Variants in PPFIA2 observed in about 807,000 individuals in gnomAD.
The protein encoded by PPFIA2 is PPFI scaffold protein A2.
PPFIA2 carries 46 observed loss-of-function variants against 175.5 expected under a neutral mutation model. That is an observed-to-expected ratio of 0.26 (90% confidence interval 0.21 to 0.34). The LOEUF (loss-of-function observed/expected upper bound fraction) is 0.34. PPFIA2 is among the 10% of genes least tolerant of loss of function. The pLI is 1.00. For synonymous variants in PPFIA2, 568 were observed against 511.4 expected, an observed-to-expected ratio of 1.11 and a Z score of -1.49; for missense variants, 1,179 against 1,506.1, an observed-to-expected ratio of 0.78 and a Z score of 3.60.
At chr12:81,648,240 C>T (rs2066467554) in intron 4 of PPFIA2, among the ~76,000 whole-genome samples, 1 of 151,514 alleles carries the variant, frequency 6.6e-6, no homozygotes, top group Admixed American at 6.6e-5. Context: ...TACAAAAAAA[C>T]TTTTAGAAAA....
chr12:81,260,519 A>T (rs2035074741), intron 32 of PPFIA2: 1 of 152,206 alleles, frequency 6.6e-6, no homozygotes, highest in Non-Finnish European at 1.5e-5. Context: ...TTATTTAGCC[A>T]AATTATTATA....
chr12:81,297,593 T>A (rs1468074874), intron 23 of PPFIA2, among the ~76,000 whole-genome samples: 10 of 152,234 alleles, frequency 6.6e-5, no homozygotes, highest in Admixed American at 6.5e-4. Flanking sequence ...AGTACTTGAC[T>A]ATTTAGTTTA....
intron 3 of PPFIA2, among the ~76,000 whole-genome samples, chr12:81,677,113 G>C (rs1160615032): frequency 6.6e-6 from 1 of 151,904 alleles, no homozygotes; most frequent in African/African-American, 2.4e-5. Flanking sequence ...AAGAGCTGAA[G>C]TGAGAGCAGA....
chr12:81,486,088 C>T (rs2058780851), intron 4 of PPFIA2, among the ~76,000 whole-genome samples: 1 of 151,780 alleles, frequency 6.6e-6, no homozygotes, highest in African/African-American at 2.4e-5. Context: ...TGAAATGTAA[C>T]ACATAGGATT....
At chr12:81,729,918 A>G (rs546838716) in intron 3 of PPFIA2, among the ~76,000 whole-genome samples, 82 of 151,718 alleles carry the variant, frequency 5.4e-4, no homozygotes, top group African/African-American at 1.9e-3. Flanking sequence ...GATTGAATTC[A>G]GCCAACAAGT....
intron 3 of PPFIA2, among the ~76,000 whole-genome samples, chr12:81,738,048 A>G (rs2081852620): frequency 6.6e-6 from 1 of 151,824 alleles, no homozygotes; most frequent in African/African-American, 2.4e-5. Flanking sequence ...ATAAAAACAA[A>G]TACGTTTTAA....
chr12:81,369,094 G>A lies in PPFIA2; in HGVS notation c.1350+17C>T. The A allele has an allele frequency of 6.4e-7, 1 of 1,565,250 alleles. No homozygotes were observed. Among genetic ancestry groups the A allele is most frequent in the Non-Finnish European group, 8.8e-7 (1 of 1,140,540 alleles). ...ATAAACCAATGATTGGGGGGTAATA[G>A]TTCTTAATATACATACTCTTTGAAG... is the stretch of plus-strand genomic sequence containing the variant. On this transcript the variant is annotated intron_variant, in intron 12 of 32. Transcript: ENST00000549396.
intron 22 of PPFIA2, among the ~76,000 whole-genome samples, chr12:81,299,722 A>AT (rs2047349209): frequency 6.6e-6 from 1 of 152,176 alleles, no homozygotes; most frequent in African/African-American, 2.4e-5. Flanking sequence ...TCAAGTATGC[A>AT]TTATGGGATC....
intron 3 of PPFIA2, among the ~76,000 whole-genome samples, chr12:81,686,272 A>G (rs1238764702): frequency 9.2e-5 from 14 of 152,086 alleles, no homozygotes; most frequent in Admixed American, 9.2e-4. Flanking sequence ...AGAGCTGAGA[A>G]CATCAGATTT....
chr12:81,708,257 A>C lies in PPFIA2; in HGVS notation c.250-31413T>G, dbSNP rs1375353576. On this transcript the variant is annotated intron_variant, in intron 3 of 32. Transcript: ENST00000549396. ...AATAATATACATTGTGTTTATTTTTATGTTTTTAATTGGAAGAAAAATTTT... is the reference window on the plus strand; with the variant it reads ...AATAATATACATTGTGTTTATTTTTCTGTTTTTAATTGGAAGAAAAATTTT... Among the ~76,000 whole-genome samples the C allele has an allele frequency of 2.6e-5, 4 of 152,218 alleles. 1 individual carries two copies. In the South Asian group the frequency reaches 8.3e-4, roughly 32 times the overall value.
chr12:81,410,489 A>T (rs537495103), intron 7 of PPFIA2, among the ~76,000 whole-genome samples: 146 of 152,208 alleles, frequency 9.6e-4, no homozygotes, highest in African/African-American at 3.5e-3. Flanking sequence ...AAAGTTTTGC[A>T]TATATTTTCA....
At position 81,283,303 on chromosome 12, in the gene PPFIA2, A is replaced by AC. The variant is rs80134357; in HGVS notation, c.2989-265dup. ...TGAACATTTGATTTGGTCATTACAA[A>AC]CCTTTTTTTAATTCTTAAATGAGTG... On this transcript the variant is annotated intron_variant, in intron 25 of 32. Coordinates refer to ENST00000549396, the MANE Select transcript of PPFIA2 (RefSeq NM_003625.5). Among the ~76,000 whole-genome samples, 355 of 152,142 alleles carry AC rather than the reference A, an allele frequency of 2.3e-3. 8 individuals are homozygous for AC. The East Asian group carries it at 0.045, about 19-fold the overall frequency.
Position 81,422,600 on chromosome 12 carries a change from C to T in PPFIA2, c.646-16697G>A, listed in dbSNP as rs901480114. On this transcript the variant is annotated intron_variant, in intron 7 of 32. Coordinates refer to ENST00000549396, the MANE Select transcript of PPFIA2 (RefSeq NM_003625.5). ...ATAAACAAGTCACTTCTTACATGGACGGCAGCAGGCAAAGAGAGAGCTCAT... is the reference window on the plus strand; with the variant it reads ...ATAAACAAGTCACTTCTTACATGGATGGCAGCAGGCAAAGAGAGAGCTCAT... Among the ~76,000 whole-genome samples, 11 of 152,128 alleles carry T rather than the reference C, an allele frequency of 7.2e-5. No individual in the cohort carries two copies. In the South Asian group the frequency reaches 8.3e-4, roughly 11 times the overall value.
intron 4 of PPFIA2, among the ~76,000 whole-genome samples, chr12:81,600,883 T>C (rs934300771): frequency 6.6e-5 from 10 of 152,028 alleles, no homozygotes; most frequent in Admixed American, 2.6e-4. Flanking sequence ...CATGTACTTT[T>C]ATGTTTGCCT....
chr12:81,269,130 A>G (rs1182172759), intron 28 of PPFIA2, among the ~76,000 whole-genome samples: 3 of 152,194 alleles, frequency 2.0e-5, no homozygotes. Flanking sequence ...AAAAACATCA[A>G]ATTATGTTTT....
At chr12:81,393,459 T>C (rs1306710946) in intron 8 of PPFIA2, among the ~76,000 whole-genome samples, 2 of 152,188 alleles carry the variant, frequency 1.3e-5, no homozygotes, top group East Asian at 3.9e-4. Flanking sequence ...TAAATATAAG[T>C]CAAGTAGGCT....
intron 4 of PPFIA2, among the ~76,000 whole-genome samples, chr12:81,624,171 T>A (rs1441757579): frequency 1.3e-5 from 2 of 151,764 alleles, no homozygotes; most frequent in Non-Finnish European, 1.5e-5. Flanking sequence ...CATCTATGTA[T>A]ATATATGTAT....
At chr12:81,442,081 T>A (rs1458972187) in intron 6 of PPFIA2, among the ~76,000 whole-genome samples, 1 of 152,080 alleles carries the variant, frequency 6.6e-6, no homozygotes, top group African/African-American at 2.4e-5. Context: ...TTACTACAAG[T>A]TAAGCATTTA....
chr12:81,530,993 C>T (rs1433612340), intron 4 of PPFIA2, among the ~76,000 whole-genome samples: 2 of 151,788 alleles, frequency 1.3e-5, no homozygotes, highest in African/African-American at 2.4e-5. Flanking sequence ...TCTGATTTCC[C>T]TTTTAATTAT....
Sources: gnomAD v4.1 joint callset for allele counts (sites outside exome capture counted in the v4.1 genomes callset) on GRCh38, gnomAD v4.1.1 for gene constraint, MANE v1.5 for transcripts, NCBI Gene and HGNC (gene_info 2026-07-23, HGNC 2026-07-21) for gene names.